The following KCNIP1 variants were observed in gnomAD, a reference collection of about 807,000 sequenced individuals.
The protein encoded by KCNIP1 is A-type potassium channel modulatory protein KCNIP1.
Under a neutral mutation model 33.0 loss-of-function variants are expected in KCNIP1, and 18 were observed. That is an observed-to-expected ratio of 0.55 (90% CI 0.38 to 0.81). The LOEUF is 0.81. Among genes scored for constraint, KCNIP1 ranks in the 30% least tolerant of loss-of-function variants. KCNIP1 has a pLI of 0.00. For synonymous variants in KCNIP1, 93 were observed against 98.3 expected, an observed-to-expected ratio of 0.95 and a Z score of 0.32; for missense variants, 238 against 271.6, an observed-to-expected ratio of 0.88 and a Z score of 0.87.
At chr5:170,728,695 T>G (rs1256848887) in intron 5 of KCNIP1, among the ~76,000 whole-genome samples, 1 of 152,154 alleles carries the variant, frequency 6.6e-6, no homozygotes, top group Admixed American at 6.5e-5. Context: ...GGATGTATAT[T>G]ATAAAGATAG....
rs140655003 is a variant in KCNIP1 at position 170,618,180 on chromosome 5, A to C, written c.62-100578A>C. Among the ~76,000 whole-genome samples, 509 of 152,172 alleles carry C rather than the reference A, an allele frequency of 3.3e-3. 4 individuals are homozygous for C. The highest frequency in any genetic ancestry group is 0.012 in the African/African-American group (496 of 41,524). On this transcript the variant is annotated intron_variant, in intron 1 of 7. Transcript: ENST00000328939. ...TGTAAACATCCGGGCGTAATCACAG[A>C]CAAAATGGGATGGTTTAAATGCTGC...
At chr5:170,361,159 G>A (rs953232095) in intron 1 of KCNIP1, among the ~76,000 whole-genome samples, 3 of 152,206 alleles carry the variant, frequency 2.0e-5, no homozygotes, top group African/African-American at 4.8e-5. Flanking sequence ...GTGAGGCGGC[G>A]GTTCTTCCCC....
intron 1 of KCNIP1, chr5:170,375,871 G>A (rs1283285825): frequency 6.6e-6 from 1 of 152,192 alleles, no homozygotes; most frequent in African/African-American, 2.4e-5. Flanking sequence ...TTGCAAACGA[G>A]GAAACAGGCA....
At chr5:170,564,243 T>C (rs1378235191) in intron 1 of KCNIP1, among the ~76,000 whole-genome samples, 2 of 152,170 alleles carry the variant, frequency 1.3e-5, no homozygotes, top group Non-Finnish European at 1.5e-5. Flanking sequence ...GCTAATAATA[T>C]ATTAAAAACT....
chr5:170,378,151 T>C (rs938789538), intron 1 of KCNIP1: 7 of 152,336 alleles, frequency 4.6e-5, no homozygotes, highest in Non-Finnish European at 8.8e-5. Context: ...CTCATGTGTT[T>C]CCTTGCAGCT....
Position 170,504,232 on chromosome 5 carries a change from C to A in KCNIP1, c.-341C>A. 1 of 1,075,860 alleles carries A rather than the reference C, an allele frequency of 9.3e-7. No individual in the cohort carries two copies. The highest frequency in any genetic ancestry group is 1.1e-6 in the Non-Finnish European group (1 of 889,210). The allele number at this position is 1,075,860 out of a possible 1,614,324, so 66.6% of individuals were successfully genotyped here. A position where few individuals can be genotyped will look rare whatever the true frequency, so the allele number is the denominator to read the frequency against. ...CGCGGCGCTGGCTCGGCAGCCTCGG[C>A]CGGGCGGCCGCTCTGGCCCCGTGTC... On this transcript the variant is annotated 5_prime_UTR_variant, in exon 1 of 8. Coordinates refer to ENST00000328939, the MANE Select transcript of KCNIP1 (RefSeq NM_014592.4). This position sits in a 1 kb window ranked among gnomAD's most constrained non-coding sequence, Gnocchi z 6.0.
intron 1 of KCNIP1, chr5:170,354,065 C>A: frequency 8.9e-7 from 1 of 1,123,924 alleles, no homozygotes; most frequent in Non-Finnish European, 1.3e-6. Context: ...GCACCCAGGT[C>A]TTGGAAAAAG....
intron 1 of KCNIP1, among the ~76,000 whole-genome samples, chr5:170,434,724 G>A (rs1162422204): frequency 6.6e-6 from 1 of 152,224 alleles, no homozygotes; most frequent in African/African-American, 2.4e-5. Context: ...GGAGGCCGAG[G>A]CGGATGGATC....
intron 1 of KCNIP1, among the ~76,000 whole-genome samples, chr5:170,365,387 C>T (rs1225757175): frequency 6.6e-6 from 1 of 152,226 alleles, no homozygotes. Context: ...GTTCCTGCAT[C>T]CAGGACATGA....
rs1363938667 is a variant in KCNIP1, at chr5:170,678,516, A to AAGCAGACAGTGG, written c.62-40241_62-40230dup. 2.0e-4 allele frequency: 30 copies of AAGCAGACAGTGG among 152,370 alleles called. 1 individual carries two copies. Among genetic ancestry groups the AAGCAGACAGTGG allele is most frequent in the Admixed American group, 1.8e-3 (27 of 15,308 alleles). The allele number at this position is 152,370 out of a possible 1,614,324, so 9.4% of individuals were successfully genotyped here. ...TGTAAGTCTTTACACAGTAACAGCA[A>AAGCAGACAGTGG]AGCAGACAGTGGGAACCACTACTCT... On this transcript the variant is annotated intron_variant, in intron 1 of 7. Transcript: ENST00000328939.
At chr5:170,406,507 G>T (rs1228179694) in intron 1 of KCNIP1, among the ~76,000 whole-genome samples, 1 of 152,158 alleles carries the variant, frequency 6.6e-6, no homozygotes, top group Non-Finnish European at 1.5e-5. Context: ...ACAAGAAATG[G>T]CAGGTAGCAA....
chr5:170,489,556 C>T lies in KCNIP1; in HGVS notation c.88+135592C>T, dbSNP rs1034166576. Among the ~76,000 whole-genome samples the T allele has an allele frequency of 1.3e-5, 2 of 152,014 alleles. No individual in the cohort carries two copies. Among genetic ancestry groups the T allele is most frequent in the African/African-American group, 4.8e-5 (2 of 41,458 alleles). ...GCCTCCTCCCACTGGTGTGCACCCACACCTTCAGACAGTTCTGAGCAGACC... is the reference window on the plus strand; with the variant it reads ...GCCTCCTCCCACTGGTGTGCACCCATACCTTCAGACAGTTCTGAGCAGACC... On this transcript the variant is annotated intron_variant, in intron 1 of 7. Coordinates refer to the KCNIP1 transcript ENST00000377360. The surrounding 1 kb of genome is among the most constrained non-coding windows in gnomAD (Gnocchi z 4.3).
intron 1 of KCNIP1, among the ~76,000 whole-genome samples, chr5:170,464,884 A>C (rs950180163): frequency 4.6e-5 from 7 of 152,110 alleles, no homozygotes; most frequent in African/African-American, 4.8e-5. Flanking sequence ...GAAAGTGTCC[A>C]CTCAGTGGAC....
chr5:170,399,424 G>A (rs1754839287), intron 1 of KCNIP1, among the ~76,000 whole-genome samples: 1 of 152,116 alleles, frequency 6.6e-6, no homozygotes. Context: ...GGTAAACAGG[G>A]GTTTCTATAA....
chr5:170,469,810 C>A (rs953434014), intron 1 of KCNIP1, among the ~76,000 whole-genome samples: 1 of 152,138 alleles, frequency 6.6e-6, no homozygotes, highest in Non-Finnish European at 1.5e-5. Flanking sequence ...TCTCTCTGTC[C>A]TTGGGTGCAA....
At chr5:170,672,997 C>T (rs1398245339) in intron 1 of KCNIP1, among the ~76,000 whole-genome samples, 3 of 152,226 alleles carry the variant, frequency 2.0e-5, no homozygotes, top group Non-Finnish European at 4.4e-5. Flanking sequence ...AGTCCATATT[C>T]TAATTACAGA....
At chr5:170,732,663 C>T in intron 5 of KCNIP1, 137 bp from the exon 6 acceptor site, 1 of 600,562 alleles carries the variant, frequency 1.7e-6, no homozygotes, top group South Asian at 2.0e-5. Context: ...TTCTAACTCC[C>T]TATCACCTGC....
chr5:170,509,662 A>G (rs1754859326), intron 1 of KCNIP1, among the ~76,000 whole-genome samples: 1 of 152,254 alleles, frequency 6.6e-6, no homozygotes. Flanking sequence ...GACCACATGA[A>G]TGAATGAATA....
At chr5:170,672,852 G>A (rs1282483680) in intron 1 of KCNIP1, among the ~76,000 whole-genome samples, 1 of 152,238 alleles carries the variant, frequency 6.6e-6, no homozygotes. Flanking sequence ...TGTGATCTTT[G>A]CCTAGGCAAT....
Sources: allele counts gnomAD v4.1 joint callset (sites outside exome capture counted in the v4.1 genomes callset), GRCh38; gene constraint gnomAD v4.1.1; non-coding constraint Gnocchi (gnomAD v3.1); transcripts MANE v1.5; gene names NCBI Gene and HGNC (gene_info 2026-07-23, HGNC 2026-07-21).